The following MAGEC3 variants were observed in gnomAD, a reference collection of about 807,000 sequenced individuals.
MAGEC3 encodes MAGE family member C3, also known as melanoma-associated antigen C3.
In MAGEC3, 34 loss-of-function variants were observed where a neutral mutation model predicts 35.3. The observed-to-expected ratio is 0.96, with a 90% CI of 0.73 to 1.28. MAGEC3 has a LOEUF of 1.28. Among genes scored for constraint, MAGEC3 ranks in the 50% most tolerant of loss-of-function variants. The probability of loss-of-function intolerance (pLI) is 0.00; values close to 1 mark genes in which losing one functional copy is unlikely to be tolerated. For missense variants in MAGEC3, 561 were observed against 483.6 expected, an observed-to-expected ratio of 1.16 and a Z score of -1.50; for synonymous variants, 202 against 185.6, an observed-to-expected ratio of 1.09 and a Z score of -0.72.
chrX:141,858,345 G>C (rs903263456), intron 1 of MAGEC3, among the ~76,000 whole-genome samples: 1 of 110,467 alleles, frequency 9.1e-6, no homozygotes, highest in African/African-American at 3.3e-5. Context: ...CCAGGTATCG[G>C]TTGTTTGCTC....
chrX:141,894,663 AG>A, intron 4 of MAGEC3: 1 of 969,993 alleles, frequency 1.0e-6, no homozygotes, highest in Non-Finnish European at 1.3e-6. Flanking sequence ...TCAGTTAAGC[AG>A]AGAAAGGAGC....
intron 1 of MAGEC3, among the ~76,000 whole-genome samples, chrX:141,864,754 C>T (rs1312766974): frequency 9.0e-6 from 1 of 111,331 alleles, no homozygotes; most frequent in Non-Finnish European, 1.9e-5. Context: ...AACAAACCTG[C>T]ACATGTGCTC....
chrX:141,878,526 G>C (rs188175291), intron 2 of MAGEC3, among the ~76,000 whole-genome samples: 232 of 111,520 alleles, frequency 2.1e-3, no homozygotes, highest in African/African-American at 6.3e-3. Flanking sequence ...GGGAGGCCCT[G>C]GGGCATGGTG....
chrX:141,843,899 A>G (rs1199041649), intron 1 of MAGEC3, among the ~76,000 whole-genome samples: 1 of 110,832 alleles, frequency 9.0e-6, no homozygotes, highest in Non-Finnish European at 1.9e-5. Context: ...AAAGCTTTCC[A>G]TGTGCTCTCC....
intron 4 of MAGEC3, among the ~76,000 whole-genome samples, chrX:141,894,172 G>T (rs917924251): frequency 1.8e-5 from 2 of 111,942 alleles, no homozygotes; most frequent in African/African-American, 6.5e-5. Context: ...GACCTCAAAA[G>T]AGATGCACAG....
chrX:141,880,830 G>A, intron 3 of MAGEC3: 1 of 1,136,003 alleles, frequency 8.8e-7, no homozygotes. Context: ...AAGAGAAGAA[G>A]AGCTGTAAGC....
At chrX:141,892,743 G>A (rs2018052139) in intron 4 of MAGEC3, among the ~76,000 whole-genome samples, 1 of 111,847 alleles carries the variant, frequency 8.9e-6, no homozygotes, top group African/African-American at 3.3e-5. Flanking sequence ...CCAAAATTTG[G>A]TTAAACTTAT....
At position 141,881,636 on chromosome X, in the gene MAGEC3, A is replaced by C; in HGVS notation, c.749A>C (p.Tyr250Ser). Residue 250 changes from tyrosine to serine, a missense_variant, in exon 4 of 8, where the codon TAT becomes TCT. By Grantham distance (144) the Tyr-to-Ser change is moderately radical. Coordinates refer to ENST00000298296, the MANE Select transcript of MAGEC3 (RefSeq NM_138702.1). Reference sequence around the variant, plus strand: ...ACAGAAGTGGACCCCGACCATTTCTATGTCTTTGTAAACACATTAGACCTC... The same window carrying C: ...ACAGAAGTGGACCCCGACCATTTCTCTGTCTTTGTAAACACATTAGACCTC... The part of the protein sequence containing the change: ...SLTEVDPDHF[Y>S]VFVNTLDLTC... 8.3e-7 allele frequency: 1 copy of C among 1,211,534 alleles called. No homozygotes were observed. The highest frequency in any genetic ancestry group is 1.1e-6 in the Non-Finnish European group (1 of 895,393).
At chrX:141,839,358 G>T (rs1332204745) in intron 1 of MAGEC3, 1 of 712,315 alleles carries the variant, frequency 1.4e-6, no homozygotes, top group African/African-American at 2.4e-5. Flanking sequence ...TGGTTTCCAA[G>T]AAATAATTTT....
At chrX:141,884,258 A>G (rs1008926073) in intron 4 of MAGEC3, among the ~76,000 whole-genome samples, 1 of 112,115 alleles carries the variant, frequency 8.9e-6, no homozygotes, top group Non-Finnish European at 1.9e-5. Flanking sequence ...GGACCAGAAT[A>G]AAAAGCAGGC....
chrX:141,886,817 C>A (rs1466651601), intron 4 of MAGEC3, among the ~76,000 whole-genome samples: 2 of 111,187 alleles, frequency 1.8e-5, no homozygotes, highest in Non-Finnish European at 3.8e-5. Context: ...AAGGGAAAGG[C>A]CAAGTGGAAG....
intron 1 of MAGEC3, among the ~76,000 whole-genome samples, chrX:141,850,750 C>T (rs957629217): frequency 9.0e-6 from 1 of 111,259 alleles, no homozygotes; most frequent in African/African-American, 3.3e-5. Flanking sequence ...GAAGCCAGTG[C>T]TGAAAAGAAG....
chrX:141,889,129 C>T (rs868059659), intron 4 of MAGEC3, among the ~76,000 whole-genome samples: 14 of 112,119 alleles, frequency 1.2e-4, no homozygotes, highest in Admixed American at 2.8e-4. Flanking sequence ...TGTTCCCCAT[C>T]GTCCTGAAGC....
intron 1 of MAGEC3, among the ~76,000 whole-genome samples, chrX:141,845,989 G>A (rs1228122534): frequency 9.1e-6 from 1 of 110,474 alleles, no homozygotes; most frequent in Admixed American, 9.7e-5. Context: ...TCTAAAACAG[G>A]GTCTAACATC....
chrX:141,881,313 T>C, intron 3 of MAGEC3, 90 bp from the exon 4 acceptor site: 1 of 1,074,384 alleles, frequency 9.3e-7, no homozygotes, highest in Non-Finnish European at 1.2e-6. Context: ...CTCTCCAGGG[T>C]TCCCTGTCCT....
chrX:141,863,936 A>C (rs1470149830), intron 1 of MAGEC3, among the ~76,000 whole-genome samples: 2 of 111,694 alleles, frequency 1.8e-5, no homozygotes, highest in African/African-American at 6.5e-5. Flanking sequence ...ATTCCAAAAA[A>C]GGTAAAAAGA....
At chrX:141,874,915 A>G (rs1443471801) in intron 2 of MAGEC3, among the ~76,000 whole-genome samples, 1 of 111,516 alleles carries the variant, frequency 9.0e-6, no homozygotes, top group Non-Finnish European at 1.9e-5. Flanking sequence ...GTGAAGCAAG[A>G]GAAATTTTAG....
rs200912965 is a variant in MAGEC3, at chrX:141,895,365, A to G, written c.1006A>G (p.Arg336Gly). 45 of 1,208,470 alleles carry G rather than the reference A, an allele frequency of 3.7e-5. 1 individual carries two copies. The East Asian group carries it at 1.2e-3, about 33-fold the overall frequency. ...AGCATTTTGCGAGGAGTCTGGACTC[A>G]GGTCAGCAGAGGGAAGCGTCTTAGA... Reference protein sequence around the residue: ...PEAFCEESGLRSAEGSVLDLA... With the variant: ...PEAFCEESGLGSAEGSVLDLA... The change falls in exon 5 of 8, where the codon AGG becomes GGG. Residue 336 changes from arginine to glycine, a missense_variant. Arg to Gly is a moderately radical substitution (Grantham distance 125). Transcript: ENST00000298296.
At chrX:141,849,737 T>C (rs183313100) in intron 1 of MAGEC3, among the ~76,000 whole-genome samples, 3 of 110,794 alleles carry the variant, frequency 2.7e-5, no homozygotes, top group African/African-American at 9.8e-5. Flanking sequence ...GGTCAAAAAA[T>C]AACACACGCT....
Sources: gnomAD v4.1 joint callset for allele counts (sites outside exome capture counted in the v4.1 genomes callset) on GRCh38, gnomAD v4.1.1 for gene constraint, MANE v1.5 for transcripts, NCBI Gene and HGNC (gene_info 2026-07-23, HGNC 2026-07-21) for gene names.